TRMT11: variants seen among roughly 807,000 people sequenced by gnomAD.
TRMT11 encodes tRNA methyltransferase 11, also known as tRNA (guanine(10)-N(2))-methyltransferase TRMT11.
Under a neutral mutation model 62.8 loss-of-function variants are expected in TRMT11, and 53 were observed. That is an observed-to-expected ratio of 0.84 (90% CI 0.68 to 1.06). TRMT11 has a LOEUF of 1.06. Ranked by LOEUF, TRMT11 falls within the 50% of genes least tolerant of loss-of-function variation. The probability of loss-of-function intolerance (pLI) is 0.00; values close to 1 mark genes in which losing one functional copy is unlikely to be tolerated. For missense variants in TRMT11, 556 were observed against 553.4 expected (o/e 1.00, Z -0.05); for synonymous variants, 188 against 190.3 (o/e 0.99, Z 0.10).
chr6:126,214,678 C>G, the TRMT11 span, among the ~76,000 whole-genome samples: 3 of 151,716 alleles, frequency 2.0e-5, no homozygotes, highest in Non-Finnish European at 4.4e-5. Context: ...TTCAAAAAAC[C>G]AGCTTGTTGT....
intron 1 of TRMT11, among the ~76,000 whole-genome samples, chr6:126,189,632 A>G (rs1244603652): frequency 6.6e-6 from 1 of 152,128 alleles, no homozygotes; most frequent in Admixed American, 6.5e-5. Flanking sequence ...AAACATAAAA[A>G]TAGGTTTCAC....
intron 17 of TRMT11, among the ~76,000 whole-genome samples, chr6:126,082,993 A>T (rs1777175338): frequency 6.6e-6 from 1 of 152,224 alleles, no homozygotes; most frequent in African/African-American, 2.4e-5. Context: ...AAATTTATAA[A>T]GAACTCATAC....
intron 17 of TRMT11, among the ~76,000 whole-genome samples, chr6:126,075,842 T>C (rs1777006960): frequency 6.6e-6 from 1 of 152,146 alleles, no homozygotes. Context: ...TCCAAGGTCA[T>C]GGTTGCAAAG....
rs138067580 is a variant in TRMT11 at position 126,145,430 on chromosome 6, T to C, written c.*1824-29395T>C. On this transcript the variant is annotated intron_variant and NMD_transcript_variant, in intron 21 of 22. Coordinates refer to the TRMT11 transcript ENST00000648977. ...CGCTGGACTAGCAGGTTGGGAGTAG[T>C]CTTAAGAGAGAGAAAAGGAGAGGGG... 2.8e-3 allele frequency among the ~76,000 whole-genome samples: 433 copies of C among 152,240 alleles called. 1 individual carries two copies. Among genetic ancestry groups the C allele is most frequent in the African/African-American group, 9.8e-3 (408 of 41,536 alleles).
intron 16 of TRMT11, among the ~76,000 whole-genome samples, chr6:126,046,379 C>G (rs1432420195): frequency 6.6e-6 from 1 of 152,152 alleles, no homozygotes; most frequent in African/African-American, 2.4e-5. Context: ...TTTTGGGGAC[C>G]AAAATCATTG....
At chr6:126,074,644 T>A (rs1434595665) in intron 17 of TRMT11, among the ~76,000 whole-genome samples, 2 of 152,178 alleles carry the variant, frequency 1.3e-5, no homozygotes, top group African/African-American at 4.8e-5. Flanking sequence ...GCTTTTTTTC[T>A]TAAGAATTTT....
At chr6:126,191,281 T>A (rs993567228) in intron 1 of TRMT11, among the ~76,000 whole-genome samples, 21 of 152,128 alleles carry the variant, frequency 1.4e-4, no homozygotes, top group African/African-American at 5.1e-4. Context: ...TATTTTAAAA[T>A]CAGATTACTA....
chr6:126,245,966 A>T, the TRMT11 span, among the ~76,000 whole-genome samples: 17 of 152,264 alleles, frequency 1.1e-4, 1 homozygote, highest in South Asian at 2.1e-3. Context: ...AAATTAAATT[A>T]AAAAATCAGT....
intron 21 of TRMT11, among the ~76,000 whole-genome samples, chr6:126,149,284 G>A (rs1778010725): frequency 6.6e-6 from 1 of 152,182 alleles, no homozygotes; most frequent in Non-Finnish European, 1.5e-5. Context: ...TGTTGTTGTA[G>A]CTACTATGGA....
chr6:126,096,443 T>A (rs1036130401), intron 17 of TRMT11, among the ~76,000 whole-genome samples: 1 of 152,202 alleles, frequency 6.6e-6, no homozygotes, highest in African/African-American at 2.4e-5. Context: ...TCTCTAACTC[T>A]CAGCAGCAGA....
intron 17 of TRMT11, among the ~76,000 whole-genome samples, chr6:126,090,508 A>G (rs901823162): frequency 2.0e-5 from 3 of 152,230 alleles, no homozygotes; most frequent in African/African-American, 7.2e-5. Flanking sequence ...ACAATTTAAT[A>G]TTGAACATAG....
intron 1 of TRMT11, among the ~76,000 whole-genome samples, chr6:126,177,891 T>C (rs1361944859): frequency 6.6e-6 from 1 of 152,202 alleles, no homozygotes; most frequent in Non-Finnish European, 1.5e-5. Flanking sequence ...TTTCATTTTT[T>C]TCAAAGTATC....
At chr6:126,064,629 AT>A (rs1351030493) in intron 17 of TRMT11, among the ~76,000 whole-genome samples, 2 of 152,224 alleles carry the variant, frequency 1.3e-5, no homozygotes, top group Non-Finnish European at 1.5e-5. Flanking sequence ...AACCATGACA[AT>A]TTATGGCAAG....
chr6:126,200,151 C>T (rs1436168573), intron 3 of TRMT11, among the ~76,000 whole-genome samples: 1 of 152,108 alleles, frequency 6.6e-6, no homozygotes, highest in African/African-American at 2.4e-5. Context: ...ATTCAGAAAA[C>T]AGAGAAGAAC....
rs535323101 is a variant in TRMT11, at chr6:126,057,582, A to T, written c.*1437+4392A>T. On this transcript the variant is annotated intron_variant and NMD_transcript_variant, in intron 17 of 22. Coordinates refer to the TRMT11 transcript ENST00000648977. ...AGAAATCATTCTGTCCAATGAACCA[A>T]ACAGGCTTGGTTAAATAAGTTGCTT... Among the ~76,000 whole-genome samples, 158 of 152,328 alleles carry T rather than the reference A, an allele frequency of 1.0e-3. 1 individual carries two copies. The highest frequency in any genetic ancestry group is 3.5e-3 in the African/African-American group (144 of 41,572).
intron 17 of TRMT11, among the ~76,000 whole-genome samples, chr6:126,079,225 C>T (rs1430708645): frequency 6.6e-6 from 1 of 152,034 alleles, no homozygotes; most frequent in African/African-American, 2.4e-5. Context: ...TATTTTTTTA[C>T]TGAAGTTATA....
intron 7 of TRMT11, among the ~76,000 whole-genome samples, chr6:126,007,353 A>T (rs1386832837): frequency 6.6e-6 from 1 of 151,950 alleles, no homozygotes; most frequent in Non-Finnish European, 1.5e-5. Flanking sequence ...AGTTACAGAG[A>T]TTACATCTCA....
intron 12 of TRMT11, among the ~76,000 whole-genome samples, chr6:126,030,450 A>G (rs1220422398): frequency 6.6e-6 from 1 of 152,164 alleles, no homozygotes; most frequent in Non-Finnish European, 1.5e-5. Context: ...CTTCTTCCTC[A>G]CACCTTACTT....
intron 11 of TRMT11, among the ~76,000 whole-genome samples, chr6:126,015,746 A>G (rs1794902246): frequency 2.0e-5 from 3 of 151,990 alleles, no homozygotes; most frequent in African/African-American, 7.2e-5. Context: ...CATCTATCCT[A>G]TCCTTTTTTG....
Sources: allele counts gnomAD v4.1 joint callset (sites outside exome capture counted in the v4.1 genomes callset), GRCh38; gene constraint gnomAD v4.1.1; transcripts MANE v1.5; gene names NCBI Gene and HGNC (gene_info 2026-07-23, HGNC 2026-07-21).